Variants in HOOK1 observed in about 807,000 individuals in gnomAD.
HOOK1 encodes the protein protein Hook homolog 1.
In HOOK1, 60 loss-of-function variants were observed where a neutral mutation model predicts 112.8. That is an observed-to-expected ratio of 0.53 (90% CI 0.43 to 0.66). The LOEUF is 0.66. Among genes scored for constraint, HOOK1 ranks in the 30% least tolerant of loss-of-function variants. The pLI is 0.00. For synonymous variants in HOOK1, 294 were observed against 283.8 expected (o/e 1.04, Z -0.36); for missense variants, 770 against 856.0 (o/e 0.90, Z 1.25).
At chr1:59,851,176 G>A (rs548478617) in intron 12 of HOOK1, among the ~76,000 whole-genome samples, 1 of 151,550 alleles carries the variant, frequency 6.6e-6, no homozygotes, top group Non-Finnish European at 1.5e-5. Flanking sequence ...GCATTTTCAT[G>A]TGAATCTTGA....
chr1:59,858,502 C>T lies in HOOK1; in HGVS notation c.1317C>T (p.His439=). The part of the protein sequence containing the change: ...ELRCSQVQQD[H]LNQTDASATK... Reference sequence around the variant, plus strand: ...GATGTTCACAAGTACAACAGGACCACCTAAACCAAACAGGTTAATTTTGTT... The same window carrying T: ...GATGTTCACAAGTACAACAGGACCATCTAAACCAAACAGGTTAATTTTGTT... The change falls in exon 13 of 22, where the codon CAC becomes CAT. Residue 439 remains histidine (H), a synonymous_variant. Transcript: ENST00000371208. The T allele has an allele frequency of 6.2e-7, 1 of 1,610,050 alleles. No homozygotes were observed. Among genetic ancestry groups the T allele is most frequent in the Non-Finnish European group, 8.5e-7 (1 of 1,176,352 alleles).
chr1:59,855,975 TATATATA>T (rs2098410437), intron 12 of HOOK1, among the ~76,000 whole-genome samples: 1 of 83,612 alleles, frequency 1.2e-5, no homozygotes, highest in African/African-American at 4.8e-5. Flanking sequence ...ATTATATATA[TATATATA>T]TATTTTTTTT....
intron 3 of HOOK1, among the ~76,000 whole-genome samples, chr1:59,830,992 C>T (rs151261338): frequency 0.017 from 2,589 of 151,740 alleles, 55 homozygotes; most frequent in African/African-American, 0.059. Flanking sequence ...CCTCTGCCCC[C>T]GAGGTTCAAG....
At chr1:59,829,848 C>T (rs1231203461) in intron 3 of HOOK1, among the ~76,000 whole-genome samples, 1 of 151,662 alleles carries the variant, frequency 6.6e-6, no homozygotes, top group Non-Finnish European at 1.5e-5. Context: ...CCCTTTTTTC[C>T]CCTAATATTA....
intron 19 of HOOK1, among the ~76,000 whole-genome samples, chr1:59,866,969 C>T (rs1389663321): frequency 6.6e-6 from 1 of 152,072 alleles, no homozygotes. Flanking sequence ...TAGGATAAGA[C>T]CATAAGATGC....
chr1:59,835,484 C>A (rs551435855), intron 6 of HOOK1, 72 bp downstream of exon 6: 3 of 862,134 alleles, frequency 3.5e-6, no homozygotes, highest in Non-Finnish European at 5.6e-6. Context: ...ATACTTTATG[C>A]TTTTCTTTTT....
rs1312948907 is a variant in HOOK1, at chr1:59,874,087, T to C, written c.*1122T>C. 1 of 152,094 alleles carries C rather than the reference T, an allele frequency of 6.6e-6. No individual in the cohort carries two copies. The highest frequency in any genetic ancestry group is 6.6e-5 in the Admixed American group (1 of 15,258). 9.4% of individuals were successfully genotyped at this position (152,094 alleles called of 1,614,324 possible). On this transcript the variant is annotated 3_prime_UTR_variant, in exon 22 of 22. Transcript: ENST00000371208. ...TTGAATTTTAGTTGTGTTAAATATGTGCTGTCGTATATCATAGCCATGAGC... is the reference window on the plus strand; with the variant it reads ...TTGAATTTTAGTTGTGTTAAATATGCGCTGTCGTATATCATAGCCATGAGC...
In HOOK1 at chr1:59,876,217, A is replaced by G. The variant is rs1055328157; in HGVS notation, c.*3252A>G. 2.0e-5 allele frequency: 3 copies of G among 152,626 alleles called. No homozygotes were observed. Among genetic ancestry groups the G allele is most frequent in the African/African-American group, 7.2e-5 (3 of 41,444 alleles). 9.5% of individuals were successfully genotyped at this position (152,626 alleles called of 1,614,324 possible). On this transcript the variant is annotated 3_prime_UTR_variant, in exon 22 of 22. Transcript: ENST00000371208. Reference sequence around the variant, plus strand: ...GTTTAGCTTATAAAAGGTCCTTTCTATTTTCTATGGCAAAGACTTTGACAC... The same window carrying G: ...GTTTAGCTTATAAAAGGTCCTTTCTGTTTTCTATGGCAAAGACTTTGACAC...
chr1:59,830,250 T>C (rs546772532), intron 3 of HOOK1, among the ~76,000 whole-genome samples: 245 of 152,218 alleles, frequency 1.6e-3, no homozygotes, highest in African/African-American at 5.5e-3. Flanking sequence ...TTTTTTCTTA[T>C]TATACTATGT....
At chr1:59,864,587 T>G (rs1347530237) in intron 16 of HOOK1, 45 bp from the exon 17 acceptor site, 20 of 1,250,856 alleles carry the variant, frequency 1.6e-5, no homozygotes, top group Non-Finnish European at 2.2e-5. Context: ...AAATTGACCT[T>G]TGTCAAGATA....
chr1:59,845,834 A>G (rs2098403482), intron 9 of HOOK1, among the ~76,000 whole-genome samples: 1 of 151,858 alleles, frequency 6.6e-6, no homozygotes, highest in South Asian at 2.1e-4. Flanking sequence ...TGTCTCTTGT[A>G]ATGTCTTGTT....
In HOOK1 at chr1:59,846,581, T is replaced by TCCTC. The variant is rs1227801885; in HGVS notation, c.789-461_789-460insCCCT. ...TTCCTTCCTTCCTTCCTTCCTTCCT[T>TCCTC]CCTTCCTCCCTCCTCCCTCCCTCCC... On this transcript the variant is annotated intron_variant, in intron 9 of 21. Coordinates refer to ENST00000371208, the MANE Select transcript of HOOK1 (RefSeq NM_015888.6). Among the ~76,000 whole-genome samples the TCCTC allele has an allele frequency of 1.2e-3, 34 of 28,238 alleles. 3 individuals are homozygous for TCCTC. Among genetic ancestry groups the TCCTC allele is most frequent in the African/African-American group, 5.3e-3 (31 of 5,872 alleles). 18.5% of individuals were successfully genotyped at this position (28,238 alleles called of 152,430 possible).
chr1:59,870,476 A>G (rs551139721), intron 20 of HOOK1, among the ~76,000 whole-genome samples: 3 of 152,310 alleles, frequency 2.0e-5, no homozygotes, highest in Non-Finnish European at 2.9e-5. Context: ...TGAACATCCT[A>G]TGTATCAAGA....
At chr1:59,842,187 C>T (rs1386003769) in intron 8 of HOOK1, among the ~76,000 whole-genome samples, 1 of 152,038 alleles carries the variant, frequency 6.6e-6, no homozygotes, top group Non-Finnish European at 1.5e-5. Context: ...TTTGACAGCC[C>T]CTACACTCAA....
At chr1:59,835,439 A>G (rs755152972) in intron 6 of HOOK1, 27 bp downstream of exon 6, 101 of 1,359,404 alleles carry the variant, frequency 7.4e-5, no homozygotes, top group Non-Finnish European at 1.0e-4. Flanking sequence ...TCCTATGAGT[A>G]TAAAAATCCT....
intron 4 of HOOK1, among the ~76,000 whole-genome samples, chr1:59,833,128 C>A (rs2098395215): frequency 6.6e-6 from 1 of 151,974 alleles, no homozygotes; most frequent in Non-Finnish European, 1.5e-5. Context: ...GTAGACTAGG[C>A]CAAGTGCTTC....
chr1:59,821,749 G>GTTT, intron 1 of HOOK1, 109 bp from the exon 2 acceptor site: 13 of 590,460 alleles, frequency 2.2e-5, no homozygotes, highest in East Asian at 7.5e-5. Flanking sequence ...ACAGGACCAT[G>GTTT]TTTTTTTTTT....
chr1:59,820,913 C>A (rs1409662816), intron 1 of HOOK1, among the ~76,000 whole-genome samples: 2 of 152,122 alleles, frequency 1.3e-5, no homozygotes, highest in Non-Finnish European at 2.9e-5. Context: ...TTGCTGGTAT[C>A]ATTCATCTGT....
chr1:59,825,607 T>C (rs918792052), intron 2 of HOOK1, among the ~76,000 whole-genome samples: 2 of 152,194 alleles, frequency 1.3e-5, no homozygotes, highest in African/African-American at 4.8e-5. Flanking sequence ...ACCTTCAATT[T>C]ATACAAGAGG....
Sources: allele counts gnomAD v4.1 joint callset (sites outside exome capture counted in the v4.1 genomes callset), GRCh38; gene constraint gnomAD v4.1.1; transcripts MANE v1.5; gene names NCBI Gene and HGNC (gene_info 2026-07-23, HGNC 2026-07-21).